The following LRRC4C variants were observed in gnomAD, a reference collection of about 807,000 sequenced individuals.
LRRC4C encodes leucine rich repeat containing 4C.
A neutral mutation model predicts 33.6 loss-of-function variants in LRRC4C; 5 were observed. The ratio of observed to expected loss-of-function variants is 0.15; its 90% CI spans 0.08 to 0.31. The LOEUF (loss-of-function observed/expected upper bound fraction) is 0.31, where lower values mean the gene tolerates loss of function less well. LRRC4C is among the 10% of genes least tolerant of loss of function. The probability of loss-of-function intolerance (pLI) is 1.00; values close to 1 mark genes in which losing one functional copy is unlikely to be tolerated. For synonymous variants in LRRC4C, 329 were observed against 302.0 expected (o/e 1.09, Z -0.93); for missense variants, 560 against 796.7 (o/e 0.70, Z 3.58).
intron 3 of LRRC4C, among the ~76,000 whole-genome samples, chr11:40,405,975 C>G (rs1032441737): frequency 2.0e-5 from 3 of 151,942 alleles, no homozygotes; most frequent in Non-Finnish European, 4.4e-5. Flanking sequence ...TAGGTAAATA[C>G]TAAACTTCCA....
At chr11:41,377,561 A>AT (rs953222904) in intron 1 of LRRC4C, among the ~76,000 whole-genome samples, 36 of 152,006 alleles carry the variant, frequency 2.4e-4, no homozygotes, top group Admixed American at 5.3e-4. Flanking sequence ...TTTCAATCAC[A>AT]TTTTTTTTCC....
intron 1 of LRRC4C, among the ~76,000 whole-genome samples, chr11:41,442,626 C>T (rs1419909725): frequency 5.3e-5 from 8 of 151,686 alleles, no homozygotes; most frequent in South Asian, 2.1e-4. Flanking sequence ...CCCATCACCA[C>T]GCCCAGCTAA....
At chr11:40,596,357 A>T (rs1959295994) in intron 3 of LRRC4C, among the ~76,000 whole-genome samples, 1 of 152,122 alleles carries the variant, frequency 6.6e-6, no homozygotes, top group Admixed American at 6.6e-5. Context: ...TGGAGTACAC[A>T]TGACTTTTTG....
At chr11:41,075,633 A>G (rs375635535) in intron 1 of LRRC4C, among the ~76,000 whole-genome samples, 2 of 152,208 alleles carry the variant, frequency 1.3e-5, no homozygotes, top group African/African-American at 4.8e-5. Flanking sequence ...CAAATTTTTA[A>G]AAATCTGAAA....
At chr11:40,713,673 C>T (rs1258313505) in intron 2 of LRRC4C, among the ~76,000 whole-genome samples, 1 of 152,172 alleles carries the variant, frequency 6.6e-6, no homozygotes, top group African/African-American at 2.4e-5. Flanking sequence ...CTGAGTAAGA[C>T]ATTTAGAAAT....
intron 1 of LRRC4C, among the ~76,000 whole-genome samples, chr11:41,316,033 G>A (rs1950775784): frequency 6.6e-6 from 1 of 152,080 alleles, no homozygotes; most frequent in South Asian, 2.1e-4. Flanking sequence ...TATGGGACCT[G>A]TGTATATATA....
intron 5 of LRRC4C, among the ~76,000 whole-genome samples, chr11:40,191,323 T>C (rs187564423): frequency 1.3e-5 from 2 of 152,354 alleles, no homozygotes; most frequent in East Asian, 3.9e-4. Context: ...TATTCTACTT[T>C]CAAAATACTG....
chr11:41,057,055 C>A (rs1858675799), intron 1 of LRRC4C, among the ~76,000 whole-genome samples: 1 of 152,188 alleles, frequency 6.6e-6, no homozygotes, highest in Non-Finnish European at 1.5e-5. Context: ...CCCTCCAGGG[C>A]AAAGCTGCAG....
At chr11:40,546,251 G>T (rs183482947) in intron 3 of LRRC4C, among the ~76,000 whole-genome samples, 1 of 152,050 alleles carries the variant, frequency 6.6e-6, no homozygotes, top group African/African-American at 2.4e-5. Context: ...CATTGGTAGA[G>T]GAGATTATGG....
chr11:40,461,619 T>A (rs1044955175), intron 3 of LRRC4C, among the ~76,000 whole-genome samples: 1 of 150,874 alleles, frequency 6.6e-6, no homozygotes, highest in African/African-American at 2.4e-5. Context: ...ACCACATATC[T>A]CAGTGCCTAG....
intron 1 of LRRC4C, among the ~76,000 whole-genome samples, chr11:41,231,535 A>G (rs1167782209): frequency 6.9e-6 from 1 of 145,590 alleles, no homozygotes; most frequent in Non-Finnish European, 1.5e-5. Flanking sequence ...CAAACACCGC[A>G]TGTTCTCACT....
At chr11:40,307,253 A>G (rs1945085480) in intron 4 of LRRC4C, among the ~76,000 whole-genome samples, 2 of 152,160 alleles carry the variant, frequency 1.3e-5, no homozygotes, top group South Asian at 4.2e-4. Flanking sequence ...TGTTGGGATG[A>G]GTAAATTAGA....
At chr11:41,041,043 T>G (rs1320366173) in intron 1 of LRRC4C, among the ~76,000 whole-genome samples, 2 of 152,174 alleles carry the variant, frequency 1.3e-5, no homozygotes, top group African/African-American at 4.8e-5. Flanking sequence ...AGGAATTTGT[T>G]TTAGAATTCA....
At chr11:41,226,945 C>A (rs1947568530) in intron 1 of LRRC4C, among the ~76,000 whole-genome samples, 1 of 152,004 alleles carries the variant, frequency 6.6e-6, no homozygotes, top group African/African-American at 2.4e-5. Flanking sequence ...ACAGTACAAG[C>A]ATTTGTTATT....
intron 4 of LRRC4C, among the ~76,000 whole-genome samples, chr11:40,315,739 A>G (rs992050798): frequency 6.6e-6 from 1 of 152,018 alleles, no homozygotes; most frequent in Non-Finnish European, 1.5e-5. Context: ...TAGAAAAGGA[A>G]GTGGCACATT....
At chr11:40,926,437 A>G (rs993435522) in intron 2 of LRRC4C, among the ~76,000 whole-genome samples, 1 of 152,356 alleles carries the variant, frequency 6.6e-6, no homozygotes, top group East Asian at 1.9e-4. Flanking sequence ...ATAATGAAAG[A>G]GCATTGTCAT....
chr11:41,037,994 G>A (rs936287715), intron 1 of LRRC4C, among the ~76,000 whole-genome samples: 2 of 152,090 alleles, frequency 1.3e-5, no homozygotes, highest in Non-Finnish European at 1.5e-5. Context: ...TGACGAAAAC[G>A]TCCAACCACC....
rs1958072056 is a variant in LRRC4C, at chr11:40,939,984, C to T, written c.-495-6261G>A. 2.0e-5 allele frequency among the ~76,000 whole-genome samples: 3 copies of T among 152,154 alleles called. No individual in the cohort carries two copies. In the South Asian group the frequency reaches 6.2e-4, roughly 32 times the overall value. ...AGAGTTCAGTTCACATGAACAAGTG[C>T]TGGATTACCATGTAACAAACTTGAG... On this transcript the variant is annotated intron_variant, in intron 1 of 6. Transcript: ENST00000528697.
intron 5 of LRRC4C, among the ~76,000 whole-genome samples, chr11:40,201,569 C>A (rs970198122): frequency 4.6e-5 from 7 of 152,128 alleles, no homozygotes; most frequent in African/African-American, 1.7e-4. Context: ...CAACTCCACC[C>A]ACGAGCTGGT....
Sources: gnomAD v4.1 joint callset for allele counts (sites outside exome capture counted in the v4.1 genomes callset) on GRCh38, gnomAD v4.1.1 for gene constraint, MANE v1.5 for transcripts, NCBI Gene and HGNC (gene_info 2026-07-23, HGNC 2026-07-21) for gene names.